FAF2: variants seen among roughly 807,000 people sequenced by gnomAD.
FAF2 encodes Fas associated factor family member 2, also known as FAS-associated factor 2.
A neutral mutation model predicts 62.3 loss-of-function variants in FAF2; 9 were observed. That is an observed-to-expected ratio of 0.14 (90% CI 0.09 to 0.25). The LOEUF (loss-of-function observed/expected upper bound fraction) is 0.25, where lower values mean the gene tolerates loss of function less well. FAF2 is among the 10% of genes least tolerant of loss of function. FAF2 has a pLI of 1.00. For synonymous variants in FAF2, 202 were observed against 198.0 expected (o/e 1.02, Z -0.17); for missense variants, 368 against 556.2 (o/e 0.66, Z 3.40).
At chr5:176,474,075 A>G (rs1474184581) in intron 1 of FAF2, among the ~76,000 whole-genome samples, 1 of 152,196 alleles carries the variant, frequency 6.6e-6, no homozygotes, top group Non-Finnish European at 1.5e-5. Context: ...TGTGGCTTGT[A>G]GGACCTTTCA....
At position 176,463,132 on chromosome 5, in the gene FAF2, C is replaced by T. The variant is rs538736735; in HGVS notation, c.63+14662C>T. Reference sequence around the variant, plus strand: ...TAGGGGCCAGGCCTGGTGGCTCATGCCTGTAATCCCAGCACTTTTGGGAGG... The same window carrying T: ...TAGGGGCCAGGCCTGGTGGCTCATGTCTGTAATCCCAGCACTTTTGGGAGG... On this transcript the variant is annotated intron_variant, in intron 1 of 10. Coordinates refer to ENST00000261942, the MANE Select transcript of FAF2 (RefSeq NM_014613.3). 5.3e-5 allele frequency among the ~76,000 whole-genome samples: 8 copies of T among 152,152 alleles called. No individual in the cohort carries two copies. In the South Asian group the frequency reaches 1.5e-3, roughly 28 times the overall value.
rs747535756 is a variant in FAF2 at position 176,500,720 on chromosome 5, A to G, written c.1155+574A>G. Among the ~76,000 whole-genome samples the G allele has an allele frequency of 3.0e-4, 45 of 152,372 alleles. 1 individual carries two copies. The highest frequency in any genetic ancestry group is 4.1e-4 in the Non-Finnish European group (28 of 68,040). ...GGAAGTCATTAAAAGCAGAAACTCA[A>G]GAGCCTCACAGCATGAGGATCAAAT... is the stretch of plus-strand genomic sequence containing the variant. On this transcript the variant is annotated intron_variant, in intron 10 of 10. Transcript: ENST00000261942.
intron 4 of FAF2, 144 bp downstream of exon 4, chr5:176,489,171 C>G: frequency 1.8e-6 from 1 of 569,580 alleles, no homozygotes; most frequent in South Asian, 2.4e-5. Flanking sequence ...TCTTTTAATA[C>G]AACATACAAG....
chr5:176,492,599 T>C (rs1406232992), intron 5 of FAF2, among the ~76,000 whole-genome samples: 1 of 152,200 alleles, frequency 6.6e-6, no homozygotes, highest in African/African-American at 2.4e-5. Flanking sequence ...ACATAGTCTG[T>C]ACTTGCCTAC....
chr5:176,484,078 A>ATTTTTTTG, intron 2 of FAF2, among the ~76,000 whole-genome samples: 1 of 152,090 alleles, frequency 6.6e-6, no homozygotes, highest in East Asian at 1.9e-4. Flanking sequence ...GTCTCAAAAA[A>ATTTTTTTG]AGAAAAAAAA....
chr5:176,463,730 T>G lies in FAF2; in HGVS notation c.63+15260T>G, dbSNP rs890058985. Among the ~76,000 whole-genome samples the G allele has an allele frequency of 1.3e-4, 20 of 151,700 alleles. No homozygotes were observed. The East Asian group carries it at 2.1e-3, about 16-fold the overall frequency. On this transcript the variant is annotated intron_variant, in intron 1 of 10. Transcript: ENST00000261942. Reference sequence around the variant, plus strand: ...GAATAAAGGGTTATTGCATGTTTTTTTTTTTTTTTTTTTCCTTGAGACAGA... The same window carrying G: ...GAATAAAGGGTTATTGCATGTTTTTGTTTTTTTTTTTTTCCTTGAGACAGA...
At chr5:176,475,780 AAAG>A (rs1455346988) in intron 1 of FAF2, among the ~76,000 whole-genome samples, 1 of 152,174 alleles carries the variant, frequency 6.6e-6, no homozygotes, top group Non-Finnish European at 1.5e-5. Context: ...AAAAAAAAAA[AAAG>A]AATTACTATC....
In FAF2 at chr5:176,508,578, T is replaced by G. The variant is rs1426419902; in HGVS notation, c.*1628T>G. 1 of 152,194 alleles carries G rather than the reference T, an allele frequency of 6.6e-6. No individual in the cohort carries two copies. Among genetic ancestry groups the G allele is most frequent in the Non-Finnish European group, 1.5e-5 (1 of 68,044 alleles). 9.4% of individuals were successfully genotyped at this position (152,194 alleles called of 1,614,324 possible). ...GTAAGGCACCCCACAGAAATTAACT[T>G]GGAGAGCCTGAGAAATTCCCAGTGG... On this transcript the variant is annotated 3_prime_UTR_variant, in exon 11 of 11. Transcript: ENST00000261942.
In FAF2 at chr5:176,507,053, T is replaced by A. The variant is rs560785636; in HGVS notation, c.*103T>A. On this transcript the variant is annotated 3_prime_UTR_variant, in exon 11 of 11. Coordinates refer to ENST00000261942, the MANE Select transcript of FAF2 (RefSeq NM_014613.3). ...AAAAAAAACAAGAGAGAGAAATTCA[T>A]ATTATTATTATTATTATAATACAAT... is the stretch of plus-strand genomic sequence containing the variant. The A allele has an allele frequency of 3.6e-6, 2 of 552,260 alleles. No homozygotes were observed. The highest frequency in any genetic ancestry group is 9.1e-5 in the East Asian group (2 of 22,070). The allele number at this position is 552,260 out of a possible 1,614,324, so 34.2% of individuals were successfully genotyped here.
At position 176,492,242 on chromosome 5, in the gene FAF2, C is replaced by T. The variant is rs201953266; in HGVS notation, c.393C>T (p.Asp131=). ...CTGACCCTCGCAGCCGGGTCACTGA[C>T]CCCGTTGGGGACATTGTTTCATTTA... ...IRPDPRSRVT[D]PVGDIVSFMH... Residue 131 remains aspartate, a synonymous_variant, in exon 5 of 11, where the codon GAC becomes GAT. Transcript: ENST00000261942. 4.3e-6 allele frequency: 7 copies of T among 1,614,154 alleles called. No homozygotes were observed. The African/African-American group carries it at 6.7e-5, about 15-fold the overall frequency.
At chr5:176,496,725 C>A in intron 8 of FAF2, 62 bp downstream of exon 8, 1 of 1,317,052 alleles carries the variant, frequency 7.6e-7, no homozygotes. Context: ...GGGCTGACCT[C>A]TGGGGCTCTA....
rs1380486909 is a variant in FAF2, at chr5:176,494,161, A to G, written c.570-23A>G. The G allele has an allele frequency of 6.2e-7, 1 of 1,612,366 alleles. No homozygotes were observed. The highest frequency in any genetic ancestry group is 1.3e-5 in the African/African-American group (1 of 74,874). On this transcript the variant is annotated intron_variant, in intron 6 of 10. Coordinates refer to ENST00000261942, the MANE Select transcript of FAF2 (RefSeq NM_014613.3). The surrounding 1 kb of genome is among the most constrained non-coding windows in gnomAD (Gnocchi z 4.0). ...TTTATAGTCAGCAAGTTGTTCTCAT[A>G]TCCTTTTCATACCTTTCCACAGCAA...
intron 1 of FAF2, among the ~76,000 whole-genome samples, chr5:176,460,550 G>GTGTGTGTGTA (rs1758360754): frequency 6.7e-6 from 1 of 149,238 alleles, no homozygotes; most frequent in Non-Finnish European, 1.5e-5. Flanking sequence ...GTGTGTGTGT[G>GTGTGTGTGTA]TGTATTTTTT....
intron 4 of FAF2, 60 bp downstream of exon 4, chr5:176,489,087 G>T: frequency 7.7e-7 from 1 of 1,304,104 alleles, no homozygotes; most frequent in Non-Finnish European, 1.1e-6. Context: ...TGAAATTTAG[G>T]CCAAAATAAG....
intron 10 of FAF2, among the ~76,000 whole-genome samples, chr5:176,504,875 T>G (rs1213835350): frequency 6.6e-6 from 1 of 152,064 alleles, no homozygotes; most frequent in East Asian, 1.9e-4. Context: ...TTTTAAAAGT[T>G]AACCAGGCAT....
At chr5:176,484,823 C>T (rs1292561965) in intron 2 of FAF2, among the ~76,000 whole-genome samples, 2 of 149,042 alleles carry the variant, frequency 1.3e-5, no homozygotes, top group Admixed American at 6.8e-5. Flanking sequence ...CCTGGGGGCG[C>T]GGAGGTTGCA....
chr5:176,492,195 T>C lies in FAF2; in HGVS notation c.346T>C (p.Phe116Leu). 1.2e-6 allele frequency: 2 copies of C among 1,614,094 alleles called. No individual in the cohort carries two copies. Among genetic ancestry groups the C allele is most frequent in the Non-Finnish European group, 1.7e-6 (2 of 1,180,008 alleles). ...TYYTILDIFR[F>L]ALRFIRPDPR... ...TGATATTTATTCCTTCCTCCCCAGG[T>C]TTGCTCTTCGTTTTATACGGCCTGA... The change falls in exon 5 of 11, where the codon TTT becomes CTT. Residue 116 changes from phenylalanine (F) to leucine (L), a missense_variant and splice_region_variant. Physicochemically the swap from Phe to Leu is conservative, Grantham distance 22. This residue lies in a region of FAF2 where 331 missense variants were observed against 441.9 expected (regional missense o/e 0.75). Transcript: ENST00000261942.
At chr5:176,477,311 T>C in intron 1 of FAF2, among the ~76,000 whole-genome samples, 1 of 143,064 alleles carries the variant, frequency 7.0e-6, no homozygotes, top group East Asian at 2.2e-4. Flanking sequence ...GGTCTCTAAC[T>C]CCTGACCTCA....
chr5:176,458,689 C>T (rs1758322997), intron 1 of FAF2, among the ~76,000 whole-genome samples: 1 of 152,134 alleles, frequency 6.6e-6, no homozygotes, highest in Admixed American at 6.6e-5. Flanking sequence ...CAGGCATGAG[C>T]CACTGTGCCT....
Sources: gnomAD v4.1 joint callset for allele counts (sites outside exome capture counted in the v4.1 genomes callset) on GRCh38, gnomAD v4.1.1 for gene constraint, gnomAD v4.1.1 regional missense constraint, Gnocchi (gnomAD v3.1) non-coding constraint, MANE v1.5 for transcripts, NCBI Gene and HGNC (gene_info 2026-07-23, HGNC 2026-07-21) for gene names.